Variants in ULK4 observed in about 807,000 individuals in gnomAD.
ULK4 encodes the protein inactive serine/threonine-protein kinase ULK4.
ULK4 carries 133 observed loss-of-function variants against 160.6 expected under a neutral mutation model. The ratio of observed to expected loss-of-function variants is 0.83; its 90% confidence interval spans 0.72 to 0.96. ULK4 has a LOEUF of 0.96. Among genes scored for constraint, ULK4 ranks in the 40% least tolerant of loss-of-function variants. The pLI is 0.00. For missense variants in ULK4, 1,580 were observed against 1,499.5 expected (o/e 1.05, Z -0.89); for synonymous variants, 534 against 539.8 (o/e 0.99, Z 0.15).
chr3:41,785,437 C>T lies in ULK4; in HGVS notation c.2193+4224G>A, dbSNP rs539292419. 2.0e-5 allele frequency among the ~76,000 whole-genome samples: 3 copies of T among 152,180 alleles called. No individual in the cohort carries two copies. In the South Asian group the frequency reaches 6.2e-4, roughly 32 times the overall value. On this transcript the variant is annotated intron_variant, in intron 21 of 36. Coordinates refer to ENST00000301831, the MANE Select transcript of ULK4 (RefSeq NM_017886.4). ...AAATTATGTCTGGGTAGTGAGATTCCAGCTAATTTTGTTTTCTTCTTTAGA... is the reference window on the plus strand; with the variant it reads ...AAATTATGTCTGGGTAGTGAGATTCTAGCTAATTTTGTTTTCTTCTTTAGA...
At chr3:41,437,514 T>G (rs567907525) in intron 34 of ULK4, among the ~76,000 whole-genome samples, 3 of 152,302 alleles carry the variant, frequency 2.0e-5, no homozygotes, top group Admixed American at 6.5e-5. Flanking sequence ...CTGCTCTGCT[T>G]TTGTGTCTTA....
At chr3:41,308,022 A>C (rs879434397) in intron 35 of ULK4, among the ~76,000 whole-genome samples, 2 of 152,124 alleles carry the variant, frequency 1.3e-5, no homozygotes, top group Admixed American at 6.5e-5. Flanking sequence ...CGTGAAAACA[A>C]CACATCCATG....
At position 41,681,654 on chromosome 3, in the gene ULK4, T is replaced by C; in HGVS notation, c.2834-2A>G. On this transcript the variant is annotated splice_acceptor_variant, in intron 28 of 36. Coordinates refer to ENST00000301831, the MANE Select transcript of ULK4 (RefSeq NM_017886.4). LOFTEE classifies it high-confidence loss of function. ...GCAAGCTAAAGAGTCTCCACTCCAC[T>C]TGAAAGAAAAAAAAAATGCCAAGAA... 1.2e-6 allele frequency: 2 copies of C among 1,611,990 alleles called. No homozygotes were observed. The highest frequency in any genetic ancestry group is 2.2e-5 in the East Asian group (1 of 44,838).
chr3:41,583,835 T>C (rs555384447), intron 31 of ULK4, among the ~76,000 whole-genome samples: 1 of 152,374 alleles, frequency 6.6e-6, no homozygotes, highest in Admixed American at 6.5e-5. Flanking sequence ...TGGTGAATTG[T>C]AAACAATCAT....
At chr3:41,889,259 AATT>A (rs1260616522) in intron 16 of ULK4, among the ~76,000 whole-genome samples, 3 of 152,280 alleles carry the variant, frequency 2.0e-5, no homozygotes, top group Admixed American at 2.0e-4. Context: ...CCAAGAAGAG[AATT>A]TTTATAATCC....
chr3:41,737,063 G>T (rs1422082263), intron 22 of ULK4, among the ~76,000 whole-genome samples: 2 of 151,842 alleles, frequency 1.3e-5, no homozygotes, highest in Admixed American at 6.6e-5. Context: ...TCTCTGTTTT[G>T]GTACCAGTAC....
At chr3:41,515,108 T>A (rs1001795693) in intron 32 of ULK4, among the ~76,000 whole-genome samples, 1 of 151,608 alleles carries the variant, frequency 6.6e-6, no homozygotes, top group African/African-American at 2.4e-5. Context: ...AATACAAAAA[T>A]TAGCTGTGTG....
chr3:41,495,003 G>T (rs894689261), intron 32 of ULK4, among the ~76,000 whole-genome samples: 1 of 151,902 alleles, frequency 6.6e-6, no homozygotes, highest in African/African-American at 2.4e-5. Context: ...TGGCCATACT[G>T]CCCAAGGTAA....
intron 22 of ULK4, 60 bp from the exon 23 acceptor site, chr3:41,717,921 C>T (rs2037328851): frequency 6.5e-7 from 1 of 1,548,060 alleles, no homozygotes; most frequent in South Asian, 1.2e-5. Flanking sequence ...AGCATCTATC[C>T]AAAAATGCCG....
At chr3:41,832,583 C>CT (rs1559591648) in intron 18 of ULK4, among the ~76,000 whole-genome samples, 3 of 152,272 alleles carry the variant, frequency 2.0e-5, no homozygotes, top group South Asian at 2.1e-4. Flanking sequence ...GATGCCATTG[C>CT]TTTTGGTGTT....
At chr3:41,366,548 TACACACACACAC>T (rs148305509) in intron 35 of ULK4, among the ~76,000 whole-genome samples, 1 of 148,688 alleles carries the variant, frequency 6.7e-6, no homozygotes, top group Non-Finnish European at 1.5e-5. Flanking sequence ...AAAATATGGC[TACACACACACAC>T]ACACACACAC....
chr3:41,666,507 G>C (rs949313432), intron 29 of ULK4, among the ~76,000 whole-genome samples: 1 of 152,118 alleles, frequency 6.6e-6, no homozygotes, highest in Non-Finnish European at 1.5e-5. Context: ...AATAAAATAA[G>C]AATCCTCTTC....
intron 35 of ULK4, among the ~76,000 whole-genome samples, chr3:41,284,931 G>A (rs895596700): frequency 6.6e-6 from 1 of 151,994 alleles, no homozygotes; most frequent in African/African-American, 2.4e-5. Context: ...GTAGGCTAAG[G>A]ACATGAATAG....
intron 35 of ULK4, among the ~76,000 whole-genome samples, chr3:41,255,222 C>T (rs1420722787): frequency 1.3e-5 from 2 of 151,808 alleles, no homozygotes; most frequent in Non-Finnish European, 2.9e-5. Flanking sequence ...TGGCTCATGC[C>T]TGTAATCCCA....
At chr3:41,610,627 A>G (rs1161628326) in intron 31 of ULK4, among the ~76,000 whole-genome samples, 1 of 152,226 alleles carries the variant, frequency 6.6e-6, no homozygotes, top group Admixed American at 6.5e-5. Context: ...CTTTTCTAAA[A>G]ATACAGTTGA....
At chr3:41,474,471 C>G (rs567530820) in intron 32 of ULK4, among the ~76,000 whole-genome samples, 19 of 152,066 alleles carry the variant, frequency 1.2e-4, no homozygotes, top group African/African-American at 4.3e-4. Context: ...TTAGATTTGA[C>G]CTCAAAAGTG....
At chr3:41,574,837 C>A (rs954654293) in intron 31 of ULK4, among the ~76,000 whole-genome samples, 12 of 152,116 alleles carry the variant, frequency 7.9e-5, no homozygotes, top group Non-Finnish European at 1.5e-4. Context: ...TGAGCCACTG[C>A]GCCAGGCCCC....
chr3:41,463,143 C>T lies in ULK4; in HGVS notation c.3337G>A (p.Asp1113Asn), dbSNP rs1193801485. The T allele has an allele frequency of 6.2e-7, 1 of 1,613,640 alleles. No individual in the cohort carries two copies. The highest frequency in any genetic ancestry group is 8.5e-7 in the Non-Finnish European group (1 of 1,179,792). ...MAAPLLFSLL[D>N]ILHSMLTYTS... ...TAGGTCAGCATGCTGTGCAAAATATCAAGCAGGGAAAAGAGCAGTGGAGCT... is the reference window on the plus strand; with the variant it reads ...TAGGTCAGCATGCTGTGCAAAATATTAAGCAGGGAAAAGAGCAGTGGAGCT... The change falls in exon 33 of 37, where the codon GAT (aspartate) becomes AAT (asparagine). Residue 1113 changes from aspartate to asparagine, a missense_variant. Coordinates refer to ENST00000301831, the MANE Select transcript of ULK4 (RefSeq NM_017886.4).
At chr3:41,777,220 G>A (rs1444610671) in intron 21 of ULK4, among the ~76,000 whole-genome samples, 3 of 103,086 alleles carry the variant, frequency 2.9e-5, no homozygotes, top group African/African-American at 6.1e-5. Context: ...AGAGGGGTTT[G>A]TAGTATTCTC....
Sources: gnomAD v4.1 joint callset for allele counts (sites outside exome capture counted in the v4.1 genomes callset) on GRCh38, gnomAD v4.1.1 for gene constraint, MANE v1.5 for transcripts, NCBI Gene and HGNC (gene_info 2026-07-23, HGNC 2026-07-21) for gene names.